The following CDH13 variants were observed in gnomAD, a reference collection of about 807,000 sequenced individuals.
CDH13 encodes the protein cadherin-13.
In CDH13, 24 loss-of-function variants were observed where a neutral mutation model predicts 63.8. The ratio of observed to expected loss-of-function variants is 0.38; its 90% confidence interval spans 0.27 to 0.53. The LOEUF is 0.53. Ranked by LOEUF, CDH13 falls within the 20% of genes least tolerant of loss-of-function variation. The pLI, the probability that CDH13 is intolerant of heterozygous loss-of-function variation, is 0.85. For synonymous variants in CDH13, 503 were observed against 355.3 expected, an observed-to-expected ratio of 1.42 and a Z score of -4.67; for missense variants, 1,049 against 903.1, an observed-to-expected ratio of 1.16 and a Z score of -2.07.
intron 2 of CDH13, among the ~76,000 whole-genome samples, chr16:82,960,561 G>A (rs1389628996): frequency 6.6e-6 from 1 of 152,166 alleles, no homozygotes; most frequent in East Asian, 1.9e-4. Context: ...ACAGGCAAAA[G>A]CTATCCACTT....
At chr16:83,051,157 T>C (rs1481018601) in intron 3 of CDH13, among the ~76,000 whole-genome samples, 1 of 152,244 alleles carries the variant, frequency 6.6e-6, no homozygotes, top group Non-Finnish European at 1.5e-5. Flanking sequence ...CTTCAAAGGC[T>C]GTCAGTCTTC....
chr16:83,516,818 T>A (rs573592058), intron 7 of CDH13, among the ~76,000 whole-genome samples: 1 of 152,226 alleles, frequency 6.6e-6, no homozygotes, highest in African/African-American at 2.4e-5. Flanking sequence ...TTTTTTACAA[T>A]GGCATTGTTG....
At chr16:83,248,852 C>G (rs564414431) in intron 5 of CDH13, among the ~76,000 whole-genome samples, 19 of 152,278 alleles carry the variant, frequency 1.2e-4, no homozygotes, top group African/African-American at 3.6e-4. Flanking sequence ...TTAGTGTAGG[C>G]AATTGTCCAC....
chr16:82,974,813 A>G (rs1437930971), intron 2 of CDH13, among the ~76,000 whole-genome samples: 2 of 152,242 alleles, frequency 1.3e-5, no homozygotes, highest in Non-Finnish European at 2.9e-5. Flanking sequence ...ATTTGTCCCT[A>G]GAGCCTTCAA....
At chr16:83,564,320 G>T (rs2075755488) in intron 7 of CDH13, among the ~76,000 whole-genome samples, 1 of 151,588 alleles carries the variant, frequency 6.6e-6, no homozygotes, top group African/African-American at 2.4e-5. Flanking sequence ...TGACAATAAG[G>T]CATTAACATA....
At chr16:82,996,077 T>C (rs954478735) in intron 2 of CDH13, among the ~76,000 whole-genome samples, 1 of 152,092 alleles carries the variant, frequency 6.6e-6, no homozygotes, top group African/African-American at 2.4e-5. Context: ...TTAAAAGGCT[T>C]ACCGGGCAAA....
In CDH13 at chr16:82,873,403, C is replaced by A. The variant is rs990237405; in HGVS notation, c.157+14930C>A. On this transcript the variant is annotated intron_variant, in intron 2 of 13. Transcript: ENST00000567109. The stretch of plus-strand genomic sequence containing the variant: ...TCTGACTCCAAACCCCATTATCTTT[C>A]CATATGGAATGCTGTAGCTGGTGTT... Among the ~76,000 whole-genome samples, 4 of 152,322 alleles carry A rather than the reference C, an allele frequency of 2.6e-5. No homozygotes were observed. The East Asian group carries it at 7.7e-4, about 29-fold the overall frequency.
At chr16:83,643,857 C>T (rs1015614981) in intron 8 of CDH13, among the ~76,000 whole-genome samples, 2 of 152,166 alleles carry the variant, frequency 1.3e-5, no homozygotes, top group African/African-American at 4.8e-5. Context: ...AGTTTCCTGT[C>T]CACTTGTCCA....
At chr16:83,290,087 T>G (rs1381995511) in intron 5 of CDH13, among the ~76,000 whole-genome samples, 1 of 152,216 alleles carries the variant, frequency 6.6e-6, no homozygotes, top group Admixed American at 6.5e-5. Flanking sequence ...GTATACTCTT[T>G]TCTGTCACCT....
chr16:83,245,525 G>A (rs1263142308), intron 5 of CDH13, among the ~76,000 whole-genome samples: 1 of 152,170 alleles, frequency 6.6e-6, no homozygotes, highest in Non-Finnish European at 1.5e-5. Flanking sequence ...CTCCATCTAG[G>A]CTTCGAGTTA....
chr16:83,082,111 T>C (rs531043493), intron 3 of CDH13, among the ~76,000 whole-genome samples: 1 of 152,296 alleles, frequency 6.6e-6, no homozygotes, highest in African/African-American at 2.4e-5. Flanking sequence ...CCTAATTACT[T>C]CTTAATGGCC....
intron 9 of CDH13, among the ~76,000 whole-genome samples, chr16:83,674,168 A>C (rs1000201486): frequency 6.6e-6 from 1 of 152,216 alleles, no homozygotes; most frequent in Non-Finnish European, 1.5e-5. Context: ...ATGTTAGACT[A>C]ATAGTGGCTT....
At chr16:83,493,843 G>C (rs1239718813) in intron 7 of CDH13, among the ~76,000 whole-genome samples, 1 of 152,252 alleles carries the variant, frequency 6.6e-6, no homozygotes, top group Non-Finnish European at 1.5e-5. Context: ...GAGATCGTCA[G>C]TGGCAAAGTT....
At chr16:82,661,205 A>G (rs148343729) in intron 1 of CDH13, among the ~76,000 whole-genome samples, 10 of 152,278 alleles carry the variant, frequency 6.6e-5, no homozygotes, top group African/African-American at 1.9e-4. Context: ...GGTTGGCTTC[A>G]AGCTCTCCCC....
chr16:83,097,607 G>T lies in CDH13; in HGVS notation c.367-27778G>T, dbSNP rs538976425. On this transcript the variant is annotated intron_variant, in intron 3 of 13. Transcript: ENST00000567109. ...CCTTCCTTCCTAACTTTCACAGCTT[G>T]CCTGACTGGGATAGCCAAGGAAGGC... Among the ~76,000 whole-genome samples, 7 of 152,258 alleles carry T rather than the reference G, an allele frequency of 4.6e-5. No homozygotes were observed. In the South Asian group the frequency reaches 1.5e-3, roughly 32 times the overall value.
chr16:83,148,416 G>A (rs192997174), intron 4 of CDH13, among the ~76,000 whole-genome samples: 9 of 152,284 alleles, frequency 5.9e-5, no homozygotes, highest in Middle Eastern at 6.8e-3. Flanking sequence ...GAACTAAGAC[G>A]GCAGTAGGAG....
At chr16:83,014,770 A>ATG (rs1567745689) in intron 2 of CDH13, among the ~76,000 whole-genome samples, 4 of 72,084 alleles carry the variant, frequency 5.5e-5, no homozygotes, top group Admixed American at 2.0e-4. Flanking sequence ...ATATATATAT[A>ATG]TATATGTATA....
Position 83,047,409 on chromosome 16 carries a change from T to G in CDH13, c.366+15191T>G, listed in dbSNP as rs1917898919. 1.3e-5 allele frequency among the ~76,000 whole-genome samples: 2 copies of G among 152,210 alleles called. No individual in the cohort carries two copies. Among genetic ancestry groups the G allele is most frequent in the South Asian group, 4.1e-4 (2 of 4,828 alleles). The stretch of plus-strand genomic sequence containing the variant: ...CAAGTCCCTTATTCGATTTGGCCCT[T>G]GTTAACAAAGCCTAGTCTGTAAGAG... On this transcript the variant is annotated intron_variant, in intron 3 of 13. Transcript: ENST00000567109. This position sits in a 1 kb window ranked among gnomAD's most constrained non-coding sequence, Gnocchi z 4.9.
intron 5 of CDH13, among the ~76,000 whole-genome samples, chr16:83,231,380 T>C (rs983884463): frequency 6.6e-6 from 1 of 152,136 alleles, no homozygotes; most frequent in Non-Finnish European, 1.5e-5. Context: ...AAATTTTGGA[T>C]TCACCTTTGA....
Sources: allele counts gnomAD v4.1 joint callset (sites outside exome capture counted in the v4.1 genomes callset), GRCh38; gene constraint gnomAD v4.1.1; non-coding constraint Gnocchi (gnomAD v3.1); transcripts MANE v1.5; gene names NCBI Gene and HGNC (gene_info 2026-07-23, HGNC 2026-07-21).